SLITRK5: variants seen among roughly 807,000 people sequenced by gnomAD.
SLITRK5 encodes SLIT and NTRK-like protein 5.
SLITRK5 carries 23 observed loss-of-function variants against 56.2 expected under a neutral mutation model. The observed-to-expected ratio is 0.41, with a 90% CI of 0.29 to 0.58. The LOEUF is 0.58. Among genes scored for constraint, SLITRK5 ranks in the 20% least tolerant of loss-of-function variants. The pLI is 0.30. For synonymous variants in SLITRK5, 637 were observed against 531.8 expected (o/e 1.20, Z -2.72); for missense variants, 1,289 against 1,226.6 (o/e 1.05, Z -0.76).
At chr13:87,674,492 G>A in intron 1 of SLITRK5, 1 of 722,328 alleles carries the variant, frequency 1.4e-6, no homozygotes, top group Non-Finnish European at 1.7e-6. Flanking sequence ...GCATCGGGAG[G>A]TATTCGGAGA....
At chr13:87,674,855 C>G (rs542051920) in intron 1 of SLITRK5, among the ~76,000 whole-genome samples, 29 of 151,008 alleles carry the variant, frequency 1.9e-4, no homozygotes, top group Admixed American at 4.0e-4. Flanking sequence ...GCATTTCTAG[C>G]GATGGTTTAA....
At chr13:87,675,294 A>G (rs1405948294) in intron 1 of SLITRK5, 87 bp from the exon 2 acceptor site, 2 of 904,300 alleles carry the variant, frequency 2.2e-6, no homozygotes, top group East Asian at 4.9e-5. Flanking sequence ...TTAGAGTAAT[A>G]ATGTTAAGAA....
At position 87,677,732 on chromosome 13, in the gene SLITRK5, C is replaced by T. The variant is rs919522538; in HGVS notation, c.2344C>T (p.Leu782Phe). 3 of 1,612,886 alleles carry T rather than the reference C, an allele frequency of 1.9e-6. No individual in the cohort carries two copies. The highest frequency in any genetic ancestry group is 2.5e-6 in the Non-Finnish European group (3 of 1,179,378). Reference sequence around the variant, plus strand: ...AGAGGATTACAAAGACCTGCACGAGCTCAAGGTCACCTACAGCAGCAACCA... The same window carrying T: ...AGAGGATTACAAAGACCTGCACGAGTTCAAGGTCACCTACAGCAGCAACCA... Reference protein sequence around the residue: ...SVEDYKDLHELKVTYSSNHHL... With the variant: ...SVEDYKDLHEFKVTYSSNHHL... Residue 782 changes from leucine (L) to phenylalanine (F), a missense_variant, in exon 2 of 2, where the codon CTC (leucine) becomes TTC (phenylalanine). Coordinates refer to ENST00000683689, the MANE Select transcript of SLITRK5 (RefSeq NM_001384609.1). This position sits in a 1 kb window ranked among gnomAD's most constrained non-coding sequence, Gnocchi z 4.7.
At chr13:87,674,487 G>A (rs1340878518) in intron 1 of SLITRK5, 2 of 772,994 alleles carry the variant, frequency 2.6e-6, no homozygotes, top group East Asian at 1.3e-4. Context: ...TCTAGGCATC[G>A]GGAGGTATTC....
rs755775236 is a variant in SLITRK5 at position 87,676,800 on chromosome 13, G to T, written c.1412G>T (p.Arg471Met). Residue 471 changes from arginine to methionine, a missense_variant, in exon 2 of 2, where the codon AGG becomes ATG. Coordinates refer to ENST00000683689, the MANE Select transcript of SLITRK5 (RefSeq NM_001384609.1). ...TACCTGAATGGCAACAGGATCGAGAGGCTGAGCCCGGAGTTATTCTATGGC... is the reference window on the plus strand; with the variant it reads ...TACCTGAATGGCAACAGGATCGAGATGCTGAGCCCGGAGTTATTCTATGGC... ...RLYLNGNRIE[R>M]LSPELFYGLQ... 6.2e-7 allele frequency: 1 copy of T among 1,614,120 alleles called. No homozygotes were observed. The highest frequency in any genetic ancestry group is 1.1e-5 in the South Asian group (1 of 91,082).
At position 87,676,495 on chromosome 13, in the gene SLITRK5, G is replaced by A. The variant is rs776020568; in HGVS notation, c.1107G>A (p.Pro369=). 6.2e-7 allele frequency: 1 copy of A among 1,613,974 alleles called. No individual in the cohort carries two copies. Among genetic ancestry groups the A allele is most frequent in the Admixed American group, 1.7e-5 (1 of 60,016 alleles). Residue 369 remains proline (P), a synonymous_variant, in exon 2 of 2, where the codon CCG becomes CCA. Transcript: ENST00000683689. ...GCATCGCCTATCAGACCAAATCCCC[G>A]GTGCCTTTGGAGTGTCCCACCGCGT... ...GPSIAYQTKS[P]VPLECPTACS... is the part of the protein sequence containing the mutation.
chr13:87,676,423 C>T lies in SLITRK5; in HGVS notation c.1035C>T (p.Thr345=), dbSNP rs1362222384. Residue 345 remains threonine, a synonymous_variant, in exon 2 of 2, where the codon ACC becomes ACT. Coordinates refer to ENST00000683689, the MANE Select transcript of SLITRK5 (RefSeq NM_001384609.1). ...RQPNKPRVRP[T]SRQPSKDLGY... is the part of the protein sequence containing the mutation. ...CCAACAAGCCCAGGGTGCGCCCCAC[C>T]TCTCGGCAGCCCTCTAAGGACTTGG... 1 of 1,613,994 alleles carries T rather than the reference C, an allele frequency of 6.2e-7. No homozygotes were observed. The highest frequency in any genetic ancestry group is 1.3e-5 in the African/African-American group (1 of 74,912).
chr13:87,674,582 T>C (rs775504878), intron 1 of SLITRK5, among the ~76,000 whole-genome samples: 1 of 152,118 alleles, frequency 6.6e-6, no homozygotes, highest in Non-Finnish European at 1.5e-5. Flanking sequence ...TTTGGTAGCG[T>C]CGCTGACATG....
Position 87,677,278 on chromosome 13 carries a change from C to G in SLITRK5, c.1890C>G (p.Val630=). The G allele has an allele frequency of 6.2e-7, 1 of 1,614,216 alleles. No individual in the cohort carries two copies. The highest frequency in any genetic ancestry group is 8.5e-7 in the Non-Finnish European group (1 of 1,180,054). Residue 630 remains valine (V), a synonymous_variant, in exon 2 of 2, where the codon GTC becomes GTG. Transcript: ENST00000683689. The surrounding 1 kb of genome is among the most constrained non-coding windows in gnomAD (Gnocchi z 4.7). Reference sequence around the variant, plus strand: ...CGCCCACACCCTCCTCTATCCAGGTCCCTGCGAGGACCAGCGCCGTGACTC... The same window carrying G: ...CGCCCACACCCTCCTCTATCCAGGTGCCTGCGAGGACCAGCGCCGTGACTC... ...VSTPTPSSIQ[V]PARTSAVTPA...
In SLITRK5 at chr13:87,679,061, G is replaced by A. The variant is rs1877427440; in HGVS notation, c.*796G>A. 6.0e-6 allele frequency: 1 copy of A among 166,698 alleles called. No individual in the cohort carries two copies. The highest frequency in any genetic ancestry group is 6.5e-5 in the Admixed American group (1 of 15,268). 10.3% of individuals were successfully genotyped at this position (166,698 alleles called of 1,614,324 possible). ...ATTTAGCCTATGATTTTGCAGAGGTGTCACACTGTATTAGGATCTGCATTT... is the reference window on the plus strand; with the variant it reads ...ATTTAGCCTATGATTTTGCAGAGGTATCACACTGTATTAGGATCTGCATTT... On this transcript the variant is annotated 3_prime_UTR_variant, in exon 2 of 2. Coordinates refer to ENST00000683689, the MANE Select transcript of SLITRK5 (RefSeq NM_001384609.1).
rs1181152421 is a variant in SLITRK5, at chr13:87,671,374, G to C, written c.-844G>C. 2 of 152,190 alleles carry C rather than the reference G, an allele frequency of 1.3e-5. No individual in the cohort carries two copies. Among genetic ancestry groups the C allele is most frequent in the Non-Finnish European group, 2.9e-5 (2 of 68,136 alleles). 9.4% of individuals were successfully genotyped at this position (152,190 alleles called of 1,614,324 possible). On this transcript the variant is annotated 5_prime_UTR_variant, in exon 1 of 2. Coordinates refer to ENST00000683689, the MANE Select transcript of SLITRK5 (RefSeq NM_001384609.1). ...CCTCGGCTGCCATCTATCGGCCACCGAGCGCCCGCTTCGCCCCGGGCCCAT... is the reference window on the plus strand; with the variant it reads ...CCTCGGCTGCCATCTATCGGCCACCCAGCGCCCGCTTCGCCCCGGGCCCAT...
In SLITRK5 at chr13:87,671,471, C is replaced by A. The variant is rs1593968739; in HGVS notation, c.-747C>A. Among the ~76,000 whole-genome samples the A allele has an allele frequency of 6.6e-6, 1 of 152,138 alleles. No homozygotes were observed. Among genetic ancestry groups the A allele is most frequent in the Non-Finnish European group, 1.5e-5 (1 of 68,022 alleles). On this transcript the variant is annotated 5_prime_UTR_variant, in exon 1 of 2. Transcript: ENST00000683689. ...AGTGCACTGGACTGGGCCCTGCACC[C>A]GCTCCGGAGCAGCTGTCTCAGAGAC... is the stretch of plus-strand genomic sequence containing the variant.
Position 87,677,212 on chromosome 13 carries a change from G to A in SLITRK5, c.1824G>A (p.Ser608=), listed in dbSNP as rs768554234. 1 of 1,614,168 alleles carries A rather than the reference G, an allele frequency of 6.2e-7. No individual in the cohort carries two copies. Among genetic ancestry groups the A allele is most frequent in the Admixed American group, 1.7e-5 (1 of 60,020 alleles). Reference sequence around the variant, plus strand: ...AGACCGACATGCGCTCCATTAAGTCGGAGCTGCTGTGCCCTGACTATTCAG... The same window carrying A: ...AGACCGACATGCGCTCCATTAAGTCAGAGCTGCTGTGCCCTGACTATTCAG... ...FAETDMRSIK[S]ELLCPDYSDV... is the part of the protein sequence containing the mutation. Residue 608 remains serine (S), a synonymous_variant, in exon 2 of 2, where the codon TCG becomes TCA. Transcript: ENST00000683689. The surrounding 1 kb of genome is among the most constrained non-coding windows in gnomAD (Gnocchi z 4.7).
rs1877291157 is a variant in SLITRK5, at chr13:87,676,703, C to A, written c.1315C>A (p.His439Asn). 3 of 1,614,088 alleles carry A rather than the reference C, an allele frequency of 1.9e-6. No homozygotes were observed. The highest frequency in any genetic ancestry group is 2.5e-6 in the Non-Finnish European group (3 of 1,180,030). The change falls in exon 2 of 2, where the codon CAC (histidine) becomes AAC (asparagine). Residue 439 changes from histidine (H) to asparagine (N), a missense_variant. By Grantham distance (68) the His-to-Asn change is moderately conservative. This residue lies in a region of SLITRK5 where 985 missense variants were observed against 906.0 expected (regional missense o/e 1.09). Transcript: ENST00000683689. ...FLEATGLDLL[H>N]LGNNRISMIQ... Reference sequence around the variant, plus strand: ...GGAGGCCACGGGGCTGGACCTCCTGCACCTGGGGAATAACCGCATCTCGAT... The same window carrying A: ...GGAGGCCACGGGGCTGGACCTCCTGAACCTGGGGAATAACCGCATCTCGAT...
chr13:87,672,280 A>G (rs994190127), intron 1 of SLITRK5, among the ~76,000 whole-genome samples, 71 bp downstream of exon 1: 1 of 152,086 alleles, frequency 6.6e-6, no homozygotes, highest in Non-Finnish European at 1.5e-5. Context: ...CTTAACACGT[A>G]TTGGAGCGAG....
Position 87,677,216 on chromosome 13 carries a change from C to G in SLITRK5, c.1828C>G (p.Leu610Val), listed in dbSNP as rs1877316664. 1 of 1,614,226 alleles carries G rather than the reference C, an allele frequency of 6.2e-7. No homozygotes were observed. Among genetic ancestry groups the G allele is most frequent in the East Asian group, 2.2e-5 (1 of 44,860 alleles). Residue 610 changes from leucine to valine, a missense_variant, in exon 2 of 2, where the codon CTG (leucine) becomes GTG (valine). Around this residue, in one of 3 missense-constraint regions of SLITRK5, gnomAD observed 985 missense variants for 906.0 expected, o/e 1.09. Transcript: ENST00000683689. The surrounding 1 kb of genome is among the most constrained non-coding windows in gnomAD (Gnocchi z 4.7). ...ETDMRSIKSE[L>V]LCPDYSDVVV... is the part of the protein sequence containing the mutation. Reference sequence around the variant, plus strand: ...CGACATGCGCTCCATTAAGTCGGAGCTGCTGTGCCCTGACTATTCAGATGT... The same window carrying G: ...CGACATGCGCTCCATTAAGTCGGAGGTGCTGTGCCCTGACTATTCAGATGT...
rs146909008 is a variant in SLITRK5, at chr13:87,677,597, G to T, written c.2209G>T (p.Ala737Ser). 2.7e-4 allele frequency: 434 copies of T among 1,609,656 alleles called. 1 individual carries two copies. The African/African-American group carries it at 5.0e-3, about 18-fold the overall frequency. The change falls in exon 2 of 2, where the codon GCG becomes TCG. Residue 737 changes from alanine (A) to serine (S), a missense_variant. Transcript: ENST00000683689. This position sits in a 1 kb window ranked among gnomAD's most constrained non-coding sequence, Gnocchi z 4.7. ...PHAHVHHRGPALPKVKTPAGH... is the reference protein window; with the variant it reads ...PHAHVHHRGPSLPKVKTPAGH... ...CGCGCACGTGCATCACCGCGGGCCC[G>T]CGCTGCCCAAGGTGAAGACGCCCGC...
rs940161886 is a variant in SLITRK5 at position 87,671,627 on chromosome 13, C to T, written c.-591C>T. Among the ~76,000 whole-genome samples, 13 of 151,956 alleles carry T rather than the reference C, an allele frequency of 8.6e-5. No homozygotes were observed. Among genetic ancestry groups the T allele is most frequent in the Non-Finnish European group, 1.3e-4 (9 of 67,966 alleles). On this transcript the variant is annotated 5_prime_UTR_variant, in exon 1 of 2. Coordinates refer to ENST00000683689, the MANE Select transcript of SLITRK5 (RefSeq NM_001384609.1). Reference sequence around the variant, plus strand: ...ATAGAACGACGCGGTTGCTGCCCGCCCCCCCCTTCCCCCAGAAACCCCAAA... The same window carrying T: ...ATAGAACGACGCGGTTGCTGCCCGCTCCCCCCTTCCCCCAGAAACCCCAAA...
At position 87,678,713 on chromosome 13, in the gene SLITRK5, T is replaced by G. The variant is rs532449842; in HGVS notation, c.*448T>G. On this transcript the variant is annotated 3_prime_UTR_variant, in exon 2 of 2. Coordinates refer to ENST00000683689, the MANE Select transcript of SLITRK5 (RefSeq NM_001384609.1). ...GCCATGGGTGGGTCTAACTGGCTTT[T>G]GTGGAGAAATTAGCACACCCCAACT... The G allele has an allele frequency of 4.7e-5, 8 of 171,710 alleles. No homozygotes were observed. The South Asian group carries it at 1.5e-3, about 31-fold the overall frequency. 10.6% of individuals were successfully genotyped at this position (171,710 alleles called of 1,614,324 possible). A position where few individuals can be genotyped will look rare whatever the true frequency, so the allele number is the denominator to read the frequency against.
Sources: gnomAD v4.1 joint callset for allele counts (sites outside exome capture counted in the v4.1 genomes callset) on GRCh38, gnomAD v4.1.1 for gene constraint, gnomAD v4.1.1 regional missense constraint, Gnocchi (gnomAD v3.1) non-coding constraint, MANE v1.5 for transcripts, NCBI Gene and HGNC (gene_info 2026-07-23, HGNC 2026-07-21) for gene names.